CLCN3: variants seen among roughly 807,000 people sequenced by gnomAD.
The protein encoded by CLCN3 is Cl-/H+ antiporter 3.
Under a neutral mutation model 83.4 loss-of-function variants are expected in CLCN3, and 16 were observed. The ratio of observed to expected loss-of-function variants is 0.19; its 90% CI spans 0.13 to 0.29. The LOEUF is 0.29. CLCN3 is among the 10% of genes least tolerant of loss of function. The pLI is 1.00. For synonymous variants in CLCN3, 322 were observed against 346.2 expected (o/e 0.93, Z 0.78); for missense variants, 544 against 1,006.0 (o/e 0.54, Z 6.21).
chr4:169,717,291 A>T (rs376964906), intron 12 of CLCN3, among the ~76,000 whole-genome samples: 3 of 152,266 alleles, frequency 2.0e-5, no homozygotes, highest in Admixed American at 6.5e-5. Flanking sequence ...CTTTAATTTT[A>T]ATTTGAAATT....
At chr4:169,634,712 A>T (rs867287924) in intron 1 of CLCN3, among the ~76,000 whole-genome samples, 1 of 151,860 alleles carries the variant, frequency 6.6e-6, no homozygotes, top group Non-Finnish European at 1.5e-5. Flanking sequence ...ATTTTTTTTT[A>T]AATTGAAAAC....
At chr4:169,700,298 C>G (rs779398003) in intron 9 of CLCN3, among the ~76,000 whole-genome samples, 5 of 152,232 alleles carry the variant, frequency 3.3e-5, no homozygotes, top group Non-Finnish European at 4.4e-5. Flanking sequence ...CGCCTTTTTG[C>G]CCAGACTAGA....
intron 2 of CLCN3, among the ~76,000 whole-genome samples, chr4:169,640,599 T>A (rs111645875): frequency 3.3e-5 from 5 of 152,240 alleles, no homozygotes; most frequent in African/African-American, 1.2e-4. Context: ...TTTGAATGAG[T>A]CATTTTGGTC....
At chr4:169,623,111 G>A (rs1773147648) in intron 1 of CLCN3, among the ~76,000 whole-genome samples, 1 of 152,108 alleles carries the variant, frequency 6.6e-6, no homozygotes, top group African/African-American at 2.4e-5. Flanking sequence ...AACTTTGACT[G>A]GAACCAAGTT....
rs117457743 is a variant in CLCN3 at position 169,701,278 on chromosome 4, T to A, written c.1564-2720T>A. On this transcript the variant is annotated intron_variant, in intron 9 of 12. Coordinates refer to ENST00000513761, the MANE Select transcript of CLCN3 (RefSeq NM_001829.4). ...TAACTCCTTATACATTCAAGTTTTT[T>A]AAATGAGATTCTAGCAATTCAGTCA... is the stretch of plus-strand genomic sequence containing the variant. Among the ~76,000 whole-genome samples the A allele has an allele frequency of 5.6e-4, 85 of 152,350 alleles. No individual in the cohort carries two copies. The East Asian group carries it at 0.012, about 21-fold the overall frequency.
chr4:169,684,352 C>A (rs986077261), intron 3 of CLCN3, among the ~76,000 whole-genome samples: 1 of 152,142 alleles, frequency 6.6e-6, no homozygotes, highest in Admixed American at 6.5e-5. Flanking sequence ...TCCTTAGCAT[C>A]CTCAAAGTTG....
intron 2 of CLCN3, chr4:169,642,982 T>G (rs1259148144): frequency 6.6e-6 from 1 of 152,226 alleles, no homozygotes; most frequent in African/African-American, 2.4e-5. Context: ...ATGGACTGTA[T>G]AGAGAGTTTC....
intron 2 of CLCN3, among the ~76,000 whole-genome samples, chr4:169,667,743 ACTTTTTTTT>A (rs1731296864): frequency 7.6e-6 from 1 of 131,852 alleles, no homozygotes; most frequent in Non-Finnish European, 1.8e-5. Context: ...AATTTTTAAG[ACTTTTTTTT>A]CTTTTTTTTT....
chr4:169,631,928 A>T (rs1773381663), intron 1 of CLCN3, among the ~76,000 whole-genome samples: 1 of 152,196 alleles, frequency 6.6e-6, no homozygotes, highest in Non-Finnish European at 1.5e-5. Context: ...TCGGTAATAA[A>T]AAATCTACCA....
In CLCN3 at chr4:169,687,782, C is replaced by G. The variant is rs185798914; in HGVS notation, c.418+25C>G. On this transcript the variant is annotated intron_variant, in intron 4 of 12. Coordinates refer to ENST00000513761, the MANE Select transcript of CLCN3 (RefSeq NM_001829.4). The stretch of plus-strand genomic sequence containing the variant: ...GGTAAAGAAAATTTTTCAAGCAATC[C>G]TTTTTTAGTTAACAGAAGTATAAAC... 1.1e-3 allele frequency: 1,525 copies of G among 1,329,070 alleles called. 2 individuals carry two copies. The highest frequency in any genetic ancestry group is 1.5e-3 in the Non-Finnish European group (1,405 of 949,704). The allele number at this position is 1,329,070 out of a possible 1,614,324, so 82.3% of individuals were successfully genotyped here. A position where few individuals can be genotyped will look rare whatever the true frequency, so the allele number is the denominator to read the frequency against.
In CLCN3 at chr4:169,679,296, G is replaced by C. The variant is rs1731824253; in HGVS notation, c.161-754G>C. On this transcript the variant is annotated intron_variant, in intron 2 of 12. Transcript: ENST00000513761. ...GCTCCCCACGTCCCAGACGATGGGC[G>C]GCCGGGCAGAGACGCTCCTCACTTC... Among the ~76,000 whole-genome samples the C allele has an allele frequency of 2.0e-5, 3 of 150,634 alleles. No individual in the cohort carries two copies. In the South Asian group the frequency reaches 6.3e-4, roughly 32 times the overall value.
intron 7 of CLCN3, among the ~76,000 whole-genome samples, chr4:169,694,820 CAA>C (rs1212131320): frequency 2.6e-5 from 4 of 151,948 alleles, no homozygotes; most frequent in South Asian, 2.1e-4. Flanking sequence ...GCCTGAGAAA[CAA>C]GAGAGAAACT....
intron 9 of CLCN3, 132 bp from the exon 10 acceptor site, chr4:169,703,866 T>A: frequency 1.2e-6 from 1 of 833,606 alleles, no homozygotes; most frequent in Non-Finnish European, 1.8e-6. Flanking sequence ...TAGTTTTATT[T>A]GTACTAGGAT....
At chr4:169,719,800 G>T (rs571173579) in intron 12 of CLCN3, 107 bp from the exon 13 acceptor site, 181 of 769,542 alleles carry the variant, frequency 2.4e-4, no homozygotes, top group Non-Finnish European at 3.5e-4. Flanking sequence ...AAATCAGGCT[G>T]CTTGCTTTGC....
Position 169,692,934 on chromosome 4 carries a change from T to C in CLCN3, c.936+614T>C, listed in dbSNP as rs138431867. ...AGACCTTGAAACCTTATATATATTA[T>C]GGATTTCCTCTGATGTTTCCATATT... On this transcript the variant is annotated intron_variant, in intron 7 of 12. Transcript: ENST00000513761. Among the ~76,000 whole-genome samples the C allele has an allele frequency of 8.1e-3, 1,231 of 152,322 alleles. 21 individuals carry two copies. Among genetic ancestry groups the C allele is most frequent in the African/African-American group, 0.028 (1,181 of 41,564 alleles).
intron 2 of CLCN3, among the ~76,000 whole-genome samples, chr4:169,661,121 C>T (rs1731042751): frequency 6.6e-6 from 1 of 152,112 alleles, no homozygotes; most frequent in Non-Finnish European, 1.5e-5. Context: ...CCCAGCATGC[C>T]TGTAAATCTT....
At chr4:169,639,298 C>T (rs2150204934) in intron 2 of CLCN3, among the ~76,000 whole-genome samples, 2 of 152,294 alleles carry the variant, frequency 1.3e-5, no homozygotes, top group South Asian at 4.1e-4. Context: ...TCCCAAAGTG[C>T]TGGGATTACA....
chr4:169,661,078 AAAT>A (rs144062258), intron 2 of CLCN3, among the ~76,000 whole-genome samples: 13,838 of 152,200 alleles, frequency 0.091, 649 homozygotes, highest in African/African-American at 0.12. Flanking sequence ...ATGTCAGAAA[AAAT>A]AATATTGGTT....
At chr4:169,651,286 A>G (rs1297219572) in intron 2 of CLCN3, among the ~76,000 whole-genome samples, 3 of 152,188 alleles carry the variant, frequency 2.0e-5, no homozygotes, top group Non-Finnish European at 4.4e-5. Flanking sequence ...TCTTCTGTGC[A>G]TGTAGAATAT....
Sources: allele counts gnomAD v4.1 joint callset (sites outside exome capture counted in the v4.1 genomes callset), GRCh38; gene constraint gnomAD v4.1.1; transcripts MANE v1.5; gene names NCBI Gene and HGNC (gene_info 2026-07-23, HGNC 2026-07-21).